UNK: variants seen among roughly 807,000 people sequenced by gnomAD.
The protein encoded by UNK is unk zinc finger, also known as RING finger protein unkempt homolog.
Under a neutral mutation model 97.6 loss-of-function variants are expected in UNK, and 32 were observed. The observed-to-expected ratio is 0.33, with a 90% CI of 0.25 to 0.44. UNK has a LOEUF of 0.44. UNK is among the 20% of genes least tolerant of loss of function. UNK has a pLI of 1.00. For missense variants in UNK, 771 were observed against 1,098.4 expected (o/e 0.70, Z 4.21); for synonymous variants, 441 against 461.2 (o/e 0.96, Z 0.56).
chr17:75,821,224 G>A (rs2062064659), intron 13 of UNK: 1 of 347,926 alleles, frequency 2.9e-6, no homozygotes, highest in Non-Finnish European at 5.8e-6. Context: ...GCTTCTGGTG[G>A]CGTCTAGACT....
intron 1 of UNK, among the ~76,000 whole-genome samples, chr17:75,798,197 A>G (rs994993599): frequency 3.3e-5 from 5 of 151,414 alleles, no homozygotes; most frequent in African/African-American, 9.7e-5. Context: ...CAGCCTCCCG[A>G]GTAGCTGGGA....
chr17:75,787,920 T>A (rs1360334287), intron 1 of UNK, among the ~76,000 whole-genome samples: 1 of 151,732 alleles, frequency 6.6e-6, no homozygotes, highest in Non-Finnish European at 1.5e-5. Context: ...CCTGAGTAGC[T>A]GGGACTACAG....
intron 1 of UNK, among the ~76,000 whole-genome samples, chr17:75,799,860 C>T (rs1037020523): frequency 6.6e-5 from 10 of 152,094 alleles, no homozygotes; most frequent in African/African-American, 2.4e-4. Context: ...CAGAGGTCAC[C>T]TGTAATCCCA....
rs1305046918 is a variant in UNK, at chr17:75,816,012, AT to A, written c.962-757del. ...TTATTTCAATAATCAATATACAAAA[AT>A]ATCAAGACATTTCACCTTTTTTTGT... On this transcript the variant is annotated intron_variant, in intron 7 of 15. Transcript: ENST00000589666. The surrounding 1 kb of genome is among the most constrained non-coding windows in gnomAD (Gnocchi z 4.0). Among the ~76,000 whole-genome samples, 2 of 152,238 alleles carry A rather than the reference AT, an allele frequency of 1.3e-5. No homozygotes were observed. The highest frequency in any genetic ancestry group is 4.8e-5 in the African/African-American group (2 of 41,462).
At chr17:75,807,070 C>T (rs1474303821) in intron 1 of UNK, among the ~76,000 whole-genome samples, 1 of 152,202 alleles carries the variant, frequency 6.6e-6, no homozygotes, top group African/African-American at 2.4e-5. Context: ...AGGTCTAGCC[C>T]CTGTCCTCGG....
At position 75,784,910 on chromosome 17, in the gene UNK, C is replaced by G. The variant is rs2061691387; in HGVS notation, c.30C>G (p.Ser10=). 3 of 1,571,242 alleles carry G rather than the reference C, an allele frequency of 1.9e-6. No individual in the cohort carries two copies. The highest frequency in any genetic ancestry group is 2.6e-6 in the Non-Finnish European group (3 of 1,162,210). Reference sequence around the variant, plus strand: ...CGAAGGGCCCCGGGCCCGGCGGCTCCGCAGCTTCCTCGGCGCCCCCGGCCG... The same window carrying G: ...CGAAGGGCCCCGGGCCCGGCGGCTCGGCAGCTTCCTCGGCGCCCCCGGCCG... MSKGPGPGG[S]AASSAPPAAT... The change falls in exon 1 of 16, where the codon TCC becomes TCG. Residue 10 remains serine (S), a synonymous_variant. Transcript: ENST00000589666.
At chr17:75,808,241 C>T (rs1356632888) in intron 1 of UNK, among the ~76,000 whole-genome samples, 1 of 152,146 alleles carries the variant, frequency 6.6e-6, no homozygotes, top group African/African-American at 2.4e-5. Flanking sequence ...AGCAGGAGGG[C>T]ACAGCTTTTT....
intron 1 of UNK, among the ~76,000 whole-genome samples, chr17:75,804,353 G>T (rs945391983): frequency 2.6e-5 from 4 of 152,166 alleles, no homozygotes; most frequent in Non-Finnish European, 4.4e-5. Context: ...TACTCAGGAG[G>T]CTGAGGCAGG....
chr17:75,792,803 G>C (rs2061773525), intron 1 of UNK, among the ~76,000 whole-genome samples: 1 of 152,262 alleles, frequency 6.6e-6, no homozygotes, highest in African/African-American at 2.4e-5. Flanking sequence ...TGGTGAGTTT[G>C]AGTGCTCTCT....
In UNK at chr17:75,825,098, G is replaced by C. The variant is rs539497760; in HGVS notation, c.*681G>C. The C allele has an allele frequency of 4.6e-5, 7 of 152,328 alleles. No individual in the cohort carries two copies. The highest frequency in any genetic ancestry group is 8.8e-5 in the Non-Finnish European group (6 of 68,004). The allele number at this position is 152,328 out of a possible 1,614,324, so 9.4% of individuals were successfully genotyped here. ...ACAGCAAGGGCTGGAGGCCAGTGCTGCAGGGCCAGCCCCACTCCTGACACC... is the reference window on the plus strand; with the variant it reads ...ACAGCAAGGGCTGGAGGCCAGTGCTCCAGGGCCAGCCCCACTCCTGACACC... On this transcript the variant is annotated 3_prime_UTR_variant, in exon 16 of 16. Coordinates refer to ENST00000589666, the MANE Select transcript of UNK (RefSeq NM_001080419.3). The surrounding 1 kb of genome is among the most constrained non-coding windows in gnomAD (Gnocchi z 4.4).
chr17:75,823,604 C>G (rs1394113142), intron 15 of UNK, 82 bp downstream of exon 15: 2 of 1,438,056 alleles, frequency 1.4e-6, no homozygotes, highest in Admixed American at 2.8e-5. Context: ...CCAGGCTGCT[C>G]CAGGGATGGC....
intron 2 of UNK, among the ~76,000 whole-genome samples, chr17:75,811,606 A>G (rs1002474502): frequency 6.6e-6 from 1 of 152,238 alleles, no homozygotes; most frequent in African/African-American, 2.4e-5. Context: ...GGCTGCAGGC[A>G]GCAGCAGGGC....
intron 13 of UNK, 42 bp from the exon 14 acceptor site, chr17:75,822,435 C>A: frequency 1.3e-6 from 2 of 1,567,648 alleles, no homozygotes; most frequent in South Asian, 1.2e-5. Context: ...GGCCTGGGCC[C>A]AAAGCCCTCC....
At chr17:75,823,180 C>A in intron 14 of UNK, 85 bp from the exon 15 acceptor site, 1 of 1,499,834 alleles carries the variant, frequency 6.7e-7, no homozygotes, top group Middle Eastern at 2.3e-4. Flanking sequence ...GGCCTCGCAG[C>A]CAGAGTGGCC....
rs1413947562 is a variant in UNK, at chr17:75,818,459, C to T, written c.1372-183C>T. 1.3e-5 allele frequency among the ~76,000 whole-genome samples: 2 copies of T among 152,280 alleles called. No homozygotes were observed. The highest frequency in any genetic ancestry group is 2.1e-4 in the South Asian group (1 of 4,824). ...AGGGGCGAATGGGCCTGGCAGCCTCCGCACCTCCAACTCCATGCTCTCAAC... is the reference window on the plus strand; with the variant it reads ...AGGGGCGAATGGGCCTGGCAGCCTCTGCACCTCCAACTCCATGCTCTCAAC... On this transcript the variant is annotated intron_variant, in intron 10 of 15. Coordinates refer to ENST00000589666, the MANE Select transcript of UNK (RefSeq NM_001080419.3). The surrounding 1 kb of genome is among the most constrained non-coding windows in gnomAD (Gnocchi z 5.1).
chr17:75,801,497 C>A (rs528893175), intron 1 of UNK, among the ~76,000 whole-genome samples: 1 of 152,030 alleles, frequency 6.6e-6, no homozygotes, highest in African/African-American at 2.4e-5. Context: ...AGCCTGGTAA[C>A]GGAGTGAGAC....
rs1266124614 is a variant in UNK at position 75,822,412 on chromosome 17, C to T, written c.1838-65C>T. The stretch of plus-strand genomic sequence containing the variant: ...CAGCCAGTCCCTGGAACCTCTGAGG[C>T]AGGGCTGGCCAGGGCCTGGGCCCAA... On this transcript the variant is annotated intron_variant, in intron 13 of 15. Transcript: ENST00000589666. 4 of 1,522,814 alleles carry T rather than the reference C, an allele frequency of 2.6e-6. No homozygotes were observed. In the South Asian group the frequency reaches 5.2e-5, roughly 20 times the overall value. The allele number at this position is 1,522,814 out of a possible 1,614,324, so 94.3% of individuals were successfully genotyped here.
At chr17:75,822,857 G>C (rs369799038) in intron 14 of UNK, among the ~76,000 whole-genome samples, 199 bp downstream of exon 14, 33 of 152,346 alleles carry the variant, frequency 2.2e-4, no homozygotes, top group East Asian at 1.2e-3. Flanking sequence ...GTTGTTGCAG[G>C]CTTCAAATTC....
chr17:75,820,451 C>T (rs1303367266), intron 13 of UNK, among the ~76,000 whole-genome samples: 1 of 152,218 alleles, frequency 6.6e-6, no homozygotes, highest in African/African-American at 2.4e-5. Context: ...TCTTTCACAG[C>T]ATGGTTCTGT....
Sources: allele counts gnomAD v4.1 joint callset (sites outside exome capture counted in the v4.1 genomes callset), GRCh38; gene constraint gnomAD v4.1.1; non-coding constraint Gnocchi (gnomAD v3.1); transcripts MANE v1.5; gene names NCBI Gene and HGNC (gene_info 2026-07-23, HGNC 2026-07-21).